Variants in DPP10 observed in about 807,000 individuals in gnomAD.
DPP10 encodes dipeptidyl peptidase like 10, also known as inactive dipeptidyl peptidase 10.
DPP10 carries 33 observed loss-of-function variants against 120.9 expected under a neutral mutation model. That is an observed-to-expected ratio of 0.27 (90% confidence interval 0.21 to 0.37). DPP10 has a LOEUF of 0.37. Among genes scored for constraint, DPP10 ranks in the 10% least tolerant of loss-of-function variants. The pLI, the probability that DPP10 is intolerant of heterozygous loss-of-function variation, is 1.00. For synonymous variants in DPP10, 337 were observed against 326.1 expected (o/e 1.03, Z -0.36); for missense variants, 816 against 942.8 (o/e 0.87, Z 1.76).
intron 5 of DPP10, among the ~76,000 whole-genome samples, chr2:115,647,035 G>C (rs1473043842): frequency 6.6e-6 from 1 of 152,150 alleles, no homozygotes; most frequent in East Asian, 1.9e-4. Context: ...ACATTGGGAT[G>C]AAACAAAAGT....
chr2:114,772,582 G>C (rs1235226524), intron 1 of DPP10, among the ~76,000 whole-genome samples: 1 of 151,978 alleles, frequency 6.6e-6, no homozygotes, highest in Non-Finnish European at 1.5e-5. Context: ...TACAGTATAG[G>C]AACTTTCTCC....
intron 3 of DPP10, among the ~76,000 whole-genome samples, chr2:115,384,624 AAGAGG>A (rs2066750436): frequency 6.7e-6 from 1 of 149,582 alleles, no homozygotes; most frequent in African/African-American, 2.5e-5. Flanking sequence ...AAGGAAGAAG[AAGAGG>A]AAGAAGAAAG....
At position 114,540,513 on chromosome 2, in the gene DPP10, C is replaced by A. The variant is rs182483909; in HGVS notation, c.60+97675C>A. 1.5e-3 allele frequency among the ~76,000 whole-genome samples: 227 copies of A among 152,232 alleles called. 1 individual carries two copies. Among genetic ancestry groups the A allele is most frequent in the Non-Finnish European group, 2.6e-3 (178 of 68,004 alleles). ...AATACTGGCCATGGTTTTAAAGTCACCTAGTGAAAGTCATTATATTGAAAT... is the reference window on the plus strand; with the variant it reads ...AATACTGGCCATGGTTTTAAAGTCAACTAGTGAAAGTCATTATATTGAAAT... On this transcript the variant is annotated intron_variant, in intron 1 of 25. Coordinates refer to ENST00000410059, the MANE Select transcript of DPP10 (RefSeq NM_020868.6).
intron 1 of DPP10, among the ~76,000 whole-genome samples, chr2:114,897,500 A>G (rs1296606056): frequency 6.6e-6 from 1 of 152,218 alleles, no homozygotes; most frequent in South Asian, 2.1e-4. Context: ...GACAAATGTG[A>G]TCTAATTAAA....
At chr2:114,925,748 G>C (rs376361449) in intron 1 of DPP10, among the ~76,000 whole-genome samples, 9 of 152,216 alleles carry the variant, frequency 5.9e-5, no homozygotes, top group African/African-American at 2.2e-4. Context: ...GAATGTGTAC[G>C]TGCAGGGATA....
intron 1 of DPP10, among the ~76,000 whole-genome samples, chr2:114,523,608 C>A (rs913350780): frequency 6.6e-6 from 1 of 152,098 alleles, no homozygotes; most frequent in East Asian, 1.9e-4. Flanking sequence ...AAAAGAGGCG[C>A]TGTAGAGGGA....
chr2:115,453,212 A>G (rs1217496591), intron 3 of DPP10, among the ~76,000 whole-genome samples: 2 of 151,538 alleles, frequency 1.3e-5, no homozygotes, highest in East Asian at 1.9e-4. Flanking sequence ...ATCATGGACT[A>G]CTTACATTTT....
intron 1 of DPP10, among the ~76,000 whole-genome samples, chr2:114,566,392 T>C (rs913929350): frequency 1.3e-5 from 2 of 152,242 alleles, no homozygotes; most frequent in Non-Finnish European, 2.9e-5. Context: ...TAATTTTATA[T>C]GTGCAAGAAA....
rs1014327722 is a variant in DPP10, at chr2:115,422,605, T to C, written c.272-76905T>C. ...TTGCAAATAAAAGAATAACTTGATATATTTCATTGAATAATCACATTTTAT... is the reference window on the plus strand; with the variant it reads ...TTGCAAATAAAAGAATAACTTGATACATTTCATTGAATAATCACATTTTAT... On this transcript the variant is annotated intron_variant, in intron 3 of 25. Coordinates refer to ENST00000410059, the MANE Select transcript of DPP10 (RefSeq NM_020868.6). 7.2e-5 allele frequency among the ~76,000 whole-genome samples: 11 copies of C among 152,224 alleles called. 1 individual carries two copies. The highest frequency in any genetic ancestry group is 3.3e-4 in the Admixed American group (5 of 15,290).
chr2:115,367,077 G>C (rs17823623), intron 3 of DPP10, among the ~76,000 whole-genome samples: 3,828 of 152,138 alleles, frequency 0.025, 61 homozygotes, highest in Admixed American at 0.046. Context: ...ATAGGGAGGA[G>C]AGGGTTGGAA....
intron 1 of DPP10, among the ~76,000 whole-genome samples, chr2:115,228,579 AT>A (rs780185819): frequency 2.0e-5 from 3 of 151,422 alleles, no homozygotes; most frequent in African/African-American, 2.4e-5. Flanking sequence ...TGTAAGCTCA[AT>A]TTTTTTTTAA....
At chr2:115,552,675 G>GAGCACAA (rs1429509938) in intron 5 of DPP10, among the ~76,000 whole-genome samples, 4 of 152,074 alleles carry the variant, frequency 2.6e-5, no homozygotes, top group South Asian at 4.2e-4. Flanking sequence ...TTGACATAAA[G>GAGCACAA]AGCACAATGC....
intron 1 of DPP10, among the ~76,000 whole-genome samples, chr2:114,849,980 C>T (rs1226646288): frequency 6.7e-6 from 1 of 148,914 alleles, no homozygotes. Context: ...TCTTCTCCCT[C>T]CCCTCTCCTC....
chr2:114,477,965 GTATA>G (rs1172526119), intron 1 of DPP10, among the ~76,000 whole-genome samples: 1 of 150,220 alleles, frequency 6.7e-6, no homozygotes, highest in East Asian at 1.9e-4. Flanking sequence ...GTGTGTATAT[GTATA>G]TATGTGTATA....
chr2:114,622,885 T>G (rs1327271454), intron 1 of DPP10, among the ~76,000 whole-genome samples: 5 of 152,124 alleles, frequency 3.3e-5, no homozygotes. Context: ...AATTAACTTT[T>G]TATTTTTGTC....
chr2:114,638,468 A>G (rs1182849660), intron 1 of DPP10, among the ~76,000 whole-genome samples: 4 of 151,940 alleles, frequency 2.6e-5, no homozygotes, highest in Non-Finnish European at 5.9e-5. Context: ...GGCAAAGGGC[A>G]TGAACAGACA....
chr2:115,371,457 CATT>C (rs1394657419), intron 3 of DPP10, among the ~76,000 whole-genome samples: 1 of 152,242 alleles, frequency 6.6e-6, no homozygotes, highest in East Asian at 1.9e-4. Flanking sequence ...ACTTGAAGAT[CATT>C]GACTTTGAAA....
chr2:114,750,569 G>A (rs182376436), intron 1 of DPP10, among the ~76,000 whole-genome samples: 2,428 of 152,146 alleles, frequency 0.016, 72 homozygotes, highest in African/African-American at 0.055. Flanking sequence ...TCCTAACCTC[G>A]TGATCCGCCC....
intron 1 of DPP10, among the ~76,000 whole-genome samples, chr2:115,153,568 T>A (rs948656236): frequency 1.3e-5 from 2 of 152,188 alleles, no homozygotes; most frequent in Non-Finnish European, 1.5e-5. Flanking sequence ...TATTTAGAAG[T>A]GGTGTAAATG....
Sources: allele counts gnomAD v4.1 joint callset (sites outside exome capture counted in the v4.1 genomes callset), GRCh38; gene constraint gnomAD v4.1.1; transcripts MANE v1.5; gene names NCBI Gene and HGNC (gene_info 2026-07-23, HGNC 2026-07-21).